Variants in KLHL36 observed in about 807,000 individuals in gnomAD.
The protein encoded by KLHL36 is kelch like family member 36, also known as kelch-like protein 36.
Under a neutral mutation model 53.3 loss-of-function variants are expected in KLHL36, and 35 were observed. That is an observed-to-expected ratio of 0.66 (90% confidence interval 0.50 to 0.87). The LOEUF is 0.87. Among genes scored for constraint, KLHL36 ranks in the 40% least tolerant of loss-of-function variants. The probability of loss-of-function intolerance (pLI) is 0.00; values close to 1 mark genes in which losing one functional copy is unlikely to be tolerated. For missense variants in KLHL36, 864 were observed against 897.6 expected (o/e 0.96, Z 0.48); for synonymous variants, 472 against 398.9 (o/e 1.18, Z -2.18).
chr16:84,659,968 C>T (rs772798217), intron 4 of KLHL36, 51 bp downstream of exon 4: 8 of 1,547,094 alleles, frequency 5.2e-6, no homozygotes, highest in Admixed American at 1.8e-5. Flanking sequence ...TTTTAAGGGA[C>T]ATAGTTCAGT....
chr16:84,659,720 G>A (rs753523703), intron 3 of KLHL36, 40 bp from the exon 4 acceptor site: 1 of 1,602,798 alleles, frequency 6.2e-7, no homozygotes, highest in South Asian at 1.1e-5. Context: ...TGCTGTCCCG[G>A]GTTCGGGGAA....
At position 84,656,838 on chromosome 16, in the gene KLHL36, C is replaced by T. The variant is rs761565249; in HGVS notation, c.64-33C>T. The T allele has an allele frequency of 5.2e-6, 8 of 1,543,220 alleles. No homozygotes were observed. In the South Asian group the frequency reaches 9.4e-5, roughly 18 times the overall value. ...GGTTGGACCAGGGCCGAGCAGGCTGCTGCGCCGTTTCTAATGTGTCTTCTC... is the reference window on the plus strand; with the variant it reads ...GGTTGGACCAGGGCCGAGCAGGCTGTTGCGCCGTTTCTAATGTGTCTTCTC... On this transcript the variant is annotated intron_variant, in intron 2 of 4. Coordinates refer to ENST00000564996, the MANE Select transcript of KLHL36 (RefSeq NM_024731.4).
At chr16:84,660,533 C>T (rs976777611) in intron 4 of KLHL36, among the ~76,000 whole-genome samples, 12 of 152,226 alleles carry the variant, frequency 7.9e-5, no homozygotes. Flanking sequence ...TTCCCTGTTG[C>T]CGCACCCAGC....
At chr16:84,659,717 C>G in intron 3 of KLHL36, 43 bp from the exon 4 acceptor site, 1 of 1,599,546 alleles carries the variant, frequency 6.3e-7, no homozygotes, top group Non-Finnish European at 8.6e-7. Flanking sequence ...TGATGCTGTC[C>G]CGGGTTCGGG....
chr16:84,667,677 T>G lies in KLHL36; in HGVS notation c.*5544T>G, dbSNP rs1220129466. ...TTGCCTGTTGATCCTAAATATAATT[T>G]GGAAATTAACCAGACTTCCTTTTGG... On this transcript the variant is annotated 3_prime_UTR_variant, in exon 5 of 5. Coordinates refer to ENST00000564996, the MANE Select transcript of KLHL36 (RefSeq NM_024731.4). 1 of 152,228 alleles carries G rather than the reference T, an allele frequency of 6.6e-6. No individual in the cohort carries two copies. Among genetic ancestry groups the G allele is most frequent in the Non-Finnish European group, 1.5e-5 (1 of 68,038 alleles). The allele number at this position is 152,228 out of a possible 1,614,324, so 9.4% of individuals were successfully genotyped here. A position where few individuals can be genotyped will look rare whatever the true frequency, so the allele number is the denominator to read the frequency against.
In KLHL36 at chr16:84,659,907, G is replaced by A. The variant is rs200166295; in HGVS notation, c.1285G>A (p.Gly429Ser). ...GACTGACTCCTGGTCCTATGTGGCC[G>A]GCTTGCCAAGGTGATCTGGGGCTTG... ...PKTDSWSYVA[G>S]LPRFTYGHAG... Residue 429 changes from glycine to serine, a missense_variant, in exon 4 of 5, where the codon GGC (glycine) becomes AGC (serine). Physicochemically the swap from Gly to Ser is moderately conservative, Grantham distance 56 (BLOSUM62 0). Transcript: ENST00000564996. 67 of 1,605,182 alleles carry A rather than the reference G, an allele frequency of 4.2e-5. No individual in the cohort carries two copies. The highest frequency in any genetic ancestry group is 3.3e-4 in the Middle Eastern group (2 of 6,054).
rs1907735904 is a variant in KLHL36, at chr16:84,664,538, C to G, written c.*2405C>G. Reference sequence around the variant, plus strand: ...GCGCTTCATATTTTGTGGTGTCTCTCCTGATACTATGAAGGTGGTTTGTAA... The same window carrying G: ...GCGCTTCATATTTTGTGGTGTCTCTGCTGATACTATGAAGGTGGTTTGTAA... On this transcript the variant is annotated 3_prime_UTR_variant, in exon 5 of 5. Transcript: ENST00000564996. The G allele has an allele frequency of 2.6e-5, 4 of 152,192 alleles. No homozygotes were observed. The highest frequency in any genetic ancestry group is 6.5e-5 in the Admixed American group (1 of 15,268). 9.4% of individuals were successfully genotyped at this position (152,192 alleles called of 1,614,324 possible).
chr16:84,650,798 A>G (rs1906824733), intron 1 of KLHL36, 54 bp from the exon 2 acceptor site: 1 of 1,316,092 alleles, frequency 7.6e-7, no homozygotes, highest in Non-Finnish European at 1.1e-6. Context: ...GCCTGAAATT[A>G]ATGAATGACC....
chr16:84,651,197 C>T (rs1373854866), intron 2 of KLHL36, among the ~76,000 whole-genome samples: 1 of 152,152 alleles, frequency 6.6e-6, no homozygotes, highest in Non-Finnish European at 1.5e-5. Context: ...GACAACTTGA[C>T]TCATTCGTTA....
rs1907206564 is a variant in KLHL36, at chr16:84,656,529, G to C, written c.64-342G>C. 2.6e-5 allele frequency among the ~76,000 whole-genome samples: 4 copies of C among 151,406 alleles called. No individual in the cohort carries two copies. The South Asian group carries it at 8.3e-4, about 32-fold the overall frequency. On this transcript the variant is annotated intron_variant, in intron 2 of 4. Transcript: ENST00000564996. ...GGGCTGTCGTCCCAGCTACTCAGGA[G>C]GCTGAGGCAGGAGAATCACTTGAAC...
Position 84,657,945 on chromosome 16 carries a change from G to A in KLHL36, c.1137+1G>A. 1.3e-6 allele frequency: 2 copies of A among 1,507,956 alleles called. No individual in the cohort carries two copies. The highest frequency in any genetic ancestry group is 2.7e-5 in the South Asian group (2 of 73,620). The allele number at this position is 1,507,956 out of a possible 1,614,324, so 93.4% of individuals were successfully genotyped here. A position where few individuals can be genotyped will look rare whatever the true frequency, so the allele number is the denominator to read the frequency against. On this transcript the variant is annotated splice_donor_variant, in intron 3 of 4. Transcript: ENST00000564996. LOFTEE classifies it high-confidence loss of function. ...CCCCCGCTGTAAACAGTGGATCAAG[G>A]TGAGATTAAAGCCAGATTATTTCTT...
intron 2 of KLHL36, among the ~76,000 whole-genome samples, chr16:84,655,114 A>G (rs112598610): frequency 6.6e-6 from 1 of 152,222 alleles, no homozygotes; most frequent in South Asian, 2.1e-4. Flanking sequence ...GGAATGGAAG[A>G]GCGGGAGAGC....
chr16:84,659,750 A>T lies in KLHL36; in HGVS notation c.1138-10A>T, dbSNP rs1235756309. 6.2e-7 allele frequency: 1 copy of T among 1,612,982 alleles called. No individual in the cohort carries two copies. Among genetic ancestry groups the T allele is most frequent in the Non-Finnish European group, 8.5e-7 (1 of 1,179,234 alleles). On this transcript the variant is annotated splice_polypyrimidine_tract_variant and intron_variant, in intron 3 of 4. Transcript: ENST00000564996. ...GGGGAAGGGAAGGTACAGGTATCTC[A>T]ACTCCACAGGTGGCCTCCATGAACC...
intron 2 of KLHL36, among the ~76,000 whole-genome samples, chr16:84,656,631 C>A (rs1172495018): frequency 8.0e-5 from 10 of 125,648 alleles, no homozygotes; most frequent in African/African-American, 2.7e-4. Flanking sequence ...GGCTCTGTGT[C>A]AAAAAAAAAA....
chr16:84,655,247 T>C (rs1907132587), intron 2 of KLHL36, among the ~76,000 whole-genome samples: 2 of 152,156 alleles, frequency 1.3e-5, no homozygotes, highest in Non-Finnish European at 1.5e-5. Context: ...TGACTGGATG[T>C]GGAAATACCA....
intron 1 of KLHL36, among the ~76,000 whole-genome samples, chr16:84,650,420 A>T (rs1219484586): frequency 6.6e-6 from 1 of 152,220 alleles, no homozygotes; most frequent in Non-Finnish European, 1.5e-5. Context: ...CCATGAGATC[A>T]ATATCCTCAT....
In KLHL36 at chr16:84,661,834, G is replaced by T. The variant is rs1201320865; in HGVS notation, c.1552G>T (p.Ala518Ser). 6.2e-7 allele frequency: 1 copy of T among 1,606,906 alleles called. No individual in the cohort carries two copies. Among genetic ancestry groups the T allele is most frequent in the Non-Finnish European group, 8.5e-7 (1 of 1,174,590 alleles). ...MERFDVLGVE[A>S]YSPQCNQWTR... is the part of the protein sequence containing the mutation. Reference sequence around the variant, plus strand: ...GCGCTTCGACGTGCTGGGCGTGGAGGCCTACAGCCCGCAGTGCAACCAGTG... The same window carrying T: ...GCGCTTCGACGTGCTGGGCGTGGAGTCCTACAGCCCGCAGTGCAACCAGTG... Residue 518 changes from alanine to serine, a missense_variant, in exon 5 of 5, where the codon GCC (alanine) becomes TCC (serine). Physicochemically the swap from Ala to Ser is moderately conservative, Grantham distance 99. Transcript: ENST00000564996. The surrounding 1 kb of genome is among the most constrained non-coding windows in gnomAD (Gnocchi z 7.9).
In KLHL36 at chr16:84,661,917, G is replaced by T; in HGVS notation, c.1635G>T (p.Glu545Asp). The change falls in exon 5 of 5, where the codon GAG (glutamate) becomes GAT (aspartate). Residue 545 changes from glutamate (E) to aspartate (D), a missense_variant. Glu to Asp is a conservative substitution (Grantham distance 45). Transcript: ENST00000564996. This position sits in a 1 kb window ranked among gnomAD's most constrained non-coding sequence, Gnocchi z 7.9. ...ANSESGVAVWEGRIYILGGYS... is the reference protein window; with the variant it reads ...ANSESGVAVWDGRIYILGGYS... ...GCGAGTCGGGCGTGGCAGTGTGGGA[G>T]GGCCGCATCTACATCCTGGGCGGCT... 2 of 1,600,698 alleles carry T rather than the reference G, an allele frequency of 1.2e-6. No homozygotes were observed. The highest frequency in any genetic ancestry group is 2.3e-5 in the East Asian group (1 of 44,362).
intron 2 of KLHL36, among the ~76,000 whole-genome samples, chr16:84,654,757 C>A (rs1907103307): frequency 6.6e-6 from 1 of 152,134 alleles, no homozygotes; most frequent in South Asian, 2.1e-4. Flanking sequence ...ATGACAGGCG[C>A]CCGCCACCAC....
Sources: allele counts gnomAD v4.1 joint callset (sites outside exome capture counted in the v4.1 genomes callset), GRCh38; gene constraint gnomAD v4.1.1; non-coding constraint Gnocchi (gnomAD v3.1); transcripts MANE v1.5; gene names NCBI Gene and HGNC (gene_info 2026-07-23, HGNC 2026-07-21).